Variants in RAP1GAP2 observed in about 807,000 individuals in gnomAD.
RAP1GAP2 encodes the protein RAP1 GTPase activating protein 2.
In RAP1GAP2, 27 loss-of-function variants were observed where a neutral mutation model predicts 95.0. That is an observed-to-expected ratio of 0.28 (90% CI 0.21 to 0.39). The LOEUF is 0.39. RAP1GAP2 is among the 10% of genes least tolerant of loss of function. The pLI, the probability that RAP1GAP2 is intolerant of heterozygous loss-of-function variation, is 1.00. For synonymous variants in RAP1GAP2, 373 were observed against 380.9 expected (o/e 0.98, Z 0.24); for missense variants, 771 against 970.0 (o/e 0.79, Z 2.72).
In RAP1GAP2 at chr17:2,871,500, C is replaced by G. The variant is rs537054039; in HGVS notation, c.81-33784C>G. Among the ~76,000 whole-genome samples the G allele has an allele frequency of 2.6e-4, 40 of 152,244 alleles. No individual in the cohort carries two copies. Among genetic ancestry groups the G allele is most frequent in the African/African-American group, 9.1e-4 (38 of 41,540 alleles). ...TGTCCAGCGGGAGAGGGGCAGTTCC[C>G]TAAAGCAGAGGTGGGGAGCTTCATT... On this transcript the variant is annotated intron_variant, in intron 2 of 24. Coordinates refer to ENST00000254695, the MANE Select transcript of RAP1GAP2 (RefSeq NM_015085.5). The surrounding 1 kb of genome is among the most constrained non-coding windows in gnomAD (Gnocchi z 5.0).
At chr17:2,876,834 G>A (rs1452874823) in intron 2 of RAP1GAP2, among the ~76,000 whole-genome samples, 1 of 151,918 alleles carries the variant, frequency 6.6e-6, no homozygotes, top group Non-Finnish European at 1.5e-5. Flanking sequence ...TGGCTGAGGG[G>A]AAGGGTCATC....
chr17:2,955,457 G>A (rs971331353), intron 3 of RAP1GAP2, among the ~76,000 whole-genome samples: 3 of 152,120 alleles, frequency 2.0e-5, no homozygotes, highest in Admixed American at 6.5e-5. Flanking sequence ...TCCTTTGCCC[G>A]TTTTTAAATT....
In RAP1GAP2 at chr17:2,870,117, AT is replaced by A. The variant is rs2072781667; in HGVS notation, c.81-35166del. Among the ~76,000 whole-genome samples the A allele has an allele frequency of 6.7e-6, 1 of 148,746 alleles. No individual in the cohort carries two copies. On this transcript the variant is annotated intron_variant, in intron 2 of 24. Coordinates refer to ENST00000254695, the MANE Select transcript of RAP1GAP2 (RefSeq NM_015085.5). The surrounding 1 kb of genome is among the most constrained non-coding windows in gnomAD (Gnocchi z 4.4). The stretch of plus-strand genomic sequence containing the variant: ...GTGCACTCTGTGCTGCTGCTTGACA[AT>A]CTTTTTTTTTTTTTTTGGAGATGGA...
At chr17:2,805,772 C>G (rs8065550) in intron 2 of RAP1GAP2, among the ~76,000 whole-genome samples, 15,293 of 113,512 alleles carry the variant, frequency 0.13, 822 homozygotes, top group African/African-American at 0.18. Flanking sequence ...GTGTGTGTGT[C>G]TGTCTGTCTG....
At position 2,761,979 on chromosome 17, in the gene RAP1GAP2, CTTTTTTTTTTT is replaced by C. The variant is rs901487276; in HGVS notation, c.50+6229_50+6239del. On this transcript the variant is annotated intron_variant, in intron 1 of 25. Transcript: ENST00000637138. ...ATGTAGTTATTGTCCGTTTATATAT[CTTTTTTTTTTT>C]TTTTTTTTTTTTTTTTGAGACGGAG... Among the ~76,000 whole-genome samples, 69 of 77,752 alleles carry C rather than the reference CTTTTTTTTTTT, an allele frequency of 8.9e-4. No individual in the cohort carries two copies. The East Asian group carries it at 0.02, about 23-fold the overall frequency. The allele number at this position is 77,752 out of a possible 152,430, so 51.0% of individuals were successfully genotyped here.
At chr17:2,799,681 G>A (rs1220421206) in intron 1 of RAP1GAP2, among the ~76,000 whole-genome samples, 1 of 152,194 alleles carries the variant, frequency 6.6e-6, no homozygotes, top group African/African-American at 2.4e-5. Context: ...GGCAGCATTG[G>A]TGCTGGTGGC....
rs975934976 is a variant in RAP1GAP2 at position 2,834,902 on chromosome 17, ATAAAT to A, written c.80+34361_80+34365del. Among the ~76,000 whole-genome samples the A allele has an allele frequency of 5.6e-4, 86 of 152,220 alleles. 1 individual carries two copies. Among genetic ancestry groups the A allele is most frequent in the Admixed American group, 1.3e-3 (20 of 15,254 alleles). ...CCACCTGACCTTTATTTAAATTAAA[ATAAAT>A]TAAATTAATTAATTATTATTATTAT... is the stretch of plus-strand genomic sequence containing the variant. On this transcript the variant is annotated intron_variant, in intron 2 of 24. Coordinates refer to ENST00000254695, the MANE Select transcript of RAP1GAP2 (RefSeq NM_015085.5).
chr17:2,810,899 T>A (rs1216413290), intron 2 of RAP1GAP2, among the ~76,000 whole-genome samples: 1 of 152,036 alleles, frequency 6.6e-6, no homozygotes, highest in Non-Finnish European at 1.5e-5. Context: ...CTGAGCTTGG[T>A]TACCTGTGGG....
rs2046405384 is a variant in RAP1GAP2 at position 3,008,486 on chromosome 17, T to G, written c.1494+341T>G. ...ATCGGCGCTTTCACCTGCCTCCTCC[T>G]GGGTTGGGGAGCCCAGGGCAGAATG... On this transcript the variant is annotated intron_variant, in intron 17 of 24. Coordinates refer to ENST00000254695, the MANE Select transcript of RAP1GAP2 (RefSeq NM_015085.5). The surrounding 1 kb of genome is among the most constrained non-coding windows in gnomAD (Gnocchi z 4.2). Among the ~76,000 whole-genome samples, 1 of 152,186 alleles carries G rather than the reference T, an allele frequency of 6.6e-6. No individual in the cohort carries two copies. The highest frequency in any genetic ancestry group is 6.5e-5 in the Admixed American group (1 of 15,288).
At position 2,827,974 on chromosome 17, in the gene RAP1GAP2, A is replaced by G. The variant is rs1006919518; in HGVS notation, c.80+27424A>G. ...AGCCCTTCCCTGTGGGGGAGCCACA[A>G]GAGGCCGTCCCTGGGCCTGCAAGCA... On this transcript the variant is annotated intron_variant, in intron 2 of 24. Coordinates refer to ENST00000254695, the MANE Select transcript of RAP1GAP2 (RefSeq NM_015085.5). This position sits in a 1 kb window ranked among gnomAD's most constrained non-coding sequence, Gnocchi z 4.1. Among the ~76,000 whole-genome samples, 6 of 152,212 alleles carry G rather than the reference A, an allele frequency of 3.9e-5. No homozygotes were observed. The highest frequency in any genetic ancestry group is 1.4e-4 in the African/African-American group (6 of 41,460).
intron 2 of RAP1GAP2, among the ~76,000 whole-genome samples, chr17:2,771,863 T>C (rs2068405618): frequency 6.6e-6 from 1 of 152,200 alleles, no homozygotes; most frequent in African/African-American, 2.4e-5. Flanking sequence ...ATATAGTCAT[T>C]GAGATAAGTG....
Position 2,982,607 on chromosome 17 carries a change from C to T in RAP1GAP2, c.729+1359C>T, listed in dbSNP as rs376276448. On this transcript the variant is annotated intron_variant, in intron 10 of 24. Coordinates refer to ENST00000254695, the MANE Select transcript of RAP1GAP2 (RefSeq NM_015085.5). Reference sequence around the variant, plus strand: ...ATCTGTTGATACCAGGAGTATGCTACGCTTCATTGAACATTTTCTCTCATT... The same window carrying T: ...ATCTGTTGATACCAGGAGTATGCTATGCTTCATTGAACATTTTCTCTCATT... Among the ~76,000 whole-genome samples, 11 of 152,038 alleles carry T rather than the reference C, an allele frequency of 7.2e-5. No homozygotes were observed. The South Asian group carries it at 1.7e-3, about 23-fold the overall frequency.
intron 12 of RAP1GAP2, among the ~76,000 whole-genome samples, chr17:2,993,889 A>T (rs1437227144): frequency 6.6e-6 from 1 of 151,992 alleles, no homozygotes; most frequent in Non-Finnish European, 1.5e-5. Context: ...TTGAAAAATT[A>T]TAAAAATTAG....
intron 2 of RAP1GAP2, among the ~76,000 whole-genome samples, chr17:2,891,020 C>A (rs1279535069): frequency 6.6e-6 from 1 of 152,058 alleles, no homozygotes; most frequent in Admixed American, 6.6e-5. Flanking sequence ...AAATGTTATT[C>A]ATTGTTATGT....
chr17:2,770,854 A>G (rs1228503869), intron 2 of RAP1GAP2, among the ~76,000 whole-genome samples: 1 of 152,158 alleles, frequency 6.6e-6, no homozygotes, highest in Non-Finnish European at 1.5e-5. Flanking sequence ...CAGCCTGGCC[A>G]ACATGGTGAA....
At chr17:2,895,219 T>C (rs1209906558) in intron 2 of RAP1GAP2, among the ~76,000 whole-genome samples, 1 of 152,214 alleles carries the variant, frequency 6.6e-6, no homozygotes, top group East Asian at 1.9e-4. Flanking sequence ...TAAGTGACTG[T>C]TACAGTGAAG....
At position 2,962,537 on chromosome 17, in the gene RAP1GAP2, T is replaced by G. The variant is rs1597731468; in HGVS notation, c.202-133T>G. ...GGCCCGCCCCTGGCCAGGTGTGATGTGTGCAGGCCCAGCACGGGCCAGCTT... is the reference window on the plus strand; with the variant it reads ...GGCCCGCCCCTGGCCAGGTGTGATGGGTGCAGGCCCAGCACGGGCCAGCTT... On this transcript the variant is annotated intron_variant, in intron 4 of 24. Coordinates refer to ENST00000254695, the MANE Select transcript of RAP1GAP2 (RefSeq NM_015085.5). The G allele has an allele frequency of 1.1e-5, 10 of 903,718 alleles. No homozygotes were observed. The East Asian group carries it at 2.9e-4, about 26-fold the overall frequency. The allele number at this position is 903,718 out of a possible 1,614,324, so 56.0% of individuals were successfully genotyped here. A position where few individuals can be genotyped will look rare whatever the true frequency, so the allele number is the denominator to read the frequency against.
Position 2,965,448 on chromosome 17 carries a change from T to G in RAP1GAP2, c.493-92T>G, listed in dbSNP as rs1597742537. 2.2e-6 allele frequency: 2 copies of G among 901,502 alleles called. No homozygotes were observed. Among genetic ancestry groups the G allele is most frequent in the Non-Finnish European group, 3.5e-6 (2 of 571,692 alleles). 55.8% of individuals were successfully genotyped at this position (901,502 alleles called of 1,614,324 possible). A position where few individuals can be genotyped will look rare whatever the true frequency, so the allele number is the denominator to read the frequency against. On this transcript the variant is annotated intron_variant, in intron 7 of 24. Transcript: ENST00000254695. The surrounding 1 kb of genome is among the most constrained non-coding windows in gnomAD (Gnocchi z 4.7). The stretch of plus-strand genomic sequence containing the variant: ...AGCATCCTTCTCTTCCTTGTTGCTG[T>G]GGGGCTTCTCCTGGTGAAGGAGGTG...
intron 3 of RAP1GAP2, among the ~76,000 whole-genome samples, chr17:2,939,342 G>C (rs1268151132): frequency 6.6e-6 from 1 of 152,188 alleles, no homozygotes; most frequent in East Asian, 1.9e-4. Context: ...CACCCGCCTC[G>C]GCCTCCCAAA....
Sources: allele counts gnomAD v4.1 joint callset (sites outside exome capture counted in the v4.1 genomes callset), GRCh38; gene constraint gnomAD v4.1.1; non-coding constraint Gnocchi (gnomAD v3.1); transcripts MANE v1.5; gene names NCBI Gene and HGNC (gene_info 2026-07-23, HGNC 2026-07-21).